RASGEF1B: variants seen among roughly 807,000 people sequenced by gnomAD.
RASGEF1B encodes RasGEF domain family member 1B.
In RASGEF1B, 30 loss-of-function variants were observed where a neutral mutation model predicts 65.7. The ratio of observed to expected loss-of-function variants is 0.46; its 90% CI spans 0.34 to 0.62. The LOEUF (loss-of-function observed/expected upper bound fraction) is 0.62. Ranked by LOEUF, RASGEF1B falls within the 20% of genes least tolerant of loss-of-function variation. RASGEF1B has a pLI of 0.01. For synonymous variants in RASGEF1B, 175 were observed against 194.8 expected, an observed-to-expected ratio of 0.90 and a Z score of 0.85; for missense variants, 495 against 580.1, an observed-to-expected ratio of 0.85 and a Z score of 1.51.
rs749886534 is a variant in RASGEF1B at position 81,448,112 on chromosome 4, T to C, written c.611A>G (p.Asn204Ser). The stretch of plus-strand genomic sequence containing the variant: ...CTGCTGGGCCAACGTGTAAGGGTCG[T>C]TGCAGACAGTAATGATATCCCTTTG... ...SIQRDIITVC[N>S]DPYTLAQQLT... The change falls in exon 5 of 14, where the codon AAC becomes AGC. Residue 204 changes from asparagine to serine, a missense_variant. Physicochemically the swap from Asn to Ser is conservative, Grantham distance 46. Coordinates refer to ENST00000264400, the MANE Select transcript of RASGEF1B (RefSeq NM_152545.3). 119 of 1,614,072 alleles carry C rather than the reference T, an allele frequency of 7.4e-5. No individual in the cohort carries two copies. The highest frequency in any genetic ancestry group is 9.7e-5 in the Non-Finnish European group (115 of 1,180,036).
intron 4 of RASGEF1B, chr4:81,455,270 C>T (rs1722405014): frequency 6.6e-6 from 1 of 152,066 alleles, no homozygotes; most frequent in Non-Finnish European, 1.5e-5. Context: ...GGCTTTGTCT[C>T]TACAAAAAAT....
At chr4:81,447,375 G>GAA in intron 6 of RASGEF1B, 129 bp downstream of exon 6, 4 of 666,466 alleles carry the variant, frequency 6.0e-6, no homozygotes, top group Non-Finnish European at 9.8e-6. Flanking sequence ...GTGGCTGATG[G>GAA]AAAAAAAAAA....
At chr4:81,453,287 G>C (rs1163372735) in intron 4 of RASGEF1B, 1 of 152,180 alleles carries the variant, frequency 6.6e-6, no homozygotes, top group Non-Finnish European at 1.5e-5. Flanking sequence ...ATCCTCGGGA[G>C]ATTGGTTCCA....
At chr4:81,461,800 C>G (rs976307753) in intron 1 of RASGEF1B, among the ~76,000 whole-genome samples, 2 of 152,102 alleles carry the variant, frequency 1.3e-5, no homozygotes, top group African/African-American at 4.8e-5. Context: ...CAATCTAGTC[C>G]AATCTCCTCT....
Position 81,427,578 on chromosome 4 carries a change from T to A in RASGEF1B, c.*190A>T, listed in dbSNP as rs1334808579. 1.9e-6 allele frequency: 1 copy of A among 538,786 alleles called. No homozygotes were observed. The highest frequency in any genetic ancestry group is 3.3e-6 in the Non-Finnish European group (1 of 306,904). 33.4% of individuals were successfully genotyped at this position (538,786 alleles called of 1,614,324 possible). On this transcript the variant is annotated 3_prime_UTR_variant, in exon 14 of 14. Coordinates refer to ENST00000264400, the MANE Select transcript of RASGEF1B (RefSeq NM_152545.3). ...ATTTCAGTCTCACAAAATCTGAGTC[T>A]ATCTGTCAGCTGCAGGAAATAAGTT...
At chr4:81,448,804 CTTTTGTTTTG>C (rs953619305) in intron 4 of RASGEF1B, among the ~76,000 whole-genome samples, 1 of 151,968 alleles carries the variant, frequency 6.6e-6, no homozygotes, top group East Asian at 1.9e-4. Context: ...GAACCACCTT[CTTTTGTTTTG>C]TTTTGTTTTG....
At chr4:81,448,978 C>T (rs569794262) in intron 4 of RASGEF1B, among the ~76,000 whole-genome samples, 6 of 152,192 alleles carry the variant, frequency 3.9e-5, no homozygotes, top group African/African-American at 1.4e-4. Flanking sequence ...CCATGCCTGG[C>T]TAATTTTTGT....
At chr4:81,431,644 T>A (rs1721430243) in intron 13 of RASGEF1B, among the ~76,000 whole-genome samples, 1 of 152,168 alleles carries the variant, frequency 6.6e-6, no homozygotes, top group Non-Finnish European at 1.5e-5. Flanking sequence ...TAAACCCTAG[T>A]ACAAAAAGGT....
At chr4:81,466,765 AAAAAAAAAGAAAGAAAG>A (rs1722828888) in intron 1 of RASGEF1B, among the ~76,000 whole-genome samples, 1 of 133,290 alleles carries the variant, frequency 7.5e-6, no homozygotes, top group Non-Finnish European at 1.6e-5. Flanking sequence ...TGTCAAAAAA[AAAAAAAAAGAAAGAAAG>A]AAAGAAAGAA....
chr4:81,445,367 A>G (rs530832264), intron 8 of RASGEF1B, among the ~76,000 whole-genome samples, 159 bp downstream of exon 8: 3 of 152,316 alleles, frequency 2.0e-5, no homozygotes, highest in African/African-American at 7.2e-5. Flanking sequence ...ACATACTTGC[A>G]CTCATTTGGC....
At chr4:81,469,262 T>G (rs1722944770) in intron 1 of RASGEF1B, among the ~76,000 whole-genome samples, 1 of 152,214 alleles carries the variant, frequency 6.6e-6, no homozygotes, top group South Asian at 2.1e-4. Context: ...TCCCAATCCC[T>G]GCTTCAAGGA....
At chr4:81,434,106 G>A in intron 11 of RASGEF1B, 143 bp from the exon 12 acceptor site, 2 of 707,110 alleles carry the variant, frequency 2.8e-6, no homozygotes, top group South Asian at 3.6e-5. Context: ...CTAGAGTGCA[G>A]TGGTGCAATC....
intron 4 of RASGEF1B, chr4:81,453,846 A>T (rs1234131773): frequency 6.6e-6 from 1 of 152,240 alleles, no homozygotes; most frequent in Non-Finnish European, 1.5e-5. Flanking sequence ...GAGATGAGAA[A>T]GGAGCAAGGA....
At chr4:81,433,705 A>G (rs1721512328) in intron 12 of RASGEF1B, 135 bp downstream of exon 12, 1 of 820,704 alleles carries the variant, frequency 1.2e-6, no homozygotes, top group African/African-American at 1.7e-5. Flanking sequence ...ATTTTCTGTG[A>G]AACAGAAAAC....
chr4:81,447,438 C>T lies in RASGEF1B; in HGVS notation c.729+66G>A, dbSNP rs905940089. 6.9e-6 allele frequency: 8 copies of T among 1,158,970 alleles called. No homozygotes were observed. The African/African-American group carries it at 1.1e-4, about 15-fold the overall frequency. 71.8% of individuals were successfully genotyped at this position (1,158,970 alleles called of 1,614,324 possible). A position where few individuals can be genotyped will look rare whatever the true frequency, so the allele number is the denominator to read the frequency against. ...ATAGTTCTAACTTCCGTCCTTTATA[C>T]CCACTATCATAGACTGATAAATCCC... On this transcript the variant is annotated intron_variant, in intron 6 of 13. Coordinates refer to ENST00000264400, the MANE Select transcript of RASGEF1B (RefSeq NM_152545.3).
chr4:81,441,632 T>C (rs1578619651), intron 9 of RASGEF1B, among the ~76,000 whole-genome samples: 1 of 151,336 alleles, frequency 6.6e-6, no homozygotes, highest in African/African-American at 2.4e-5. Flanking sequence ...GCTCCCACCT[T>C]CCAGGCTCAA....
chr4:81,456,834 G>T (rs768636601), intron 3 of RASGEF1B, 46 bp from the exon 4 acceptor site: 3 of 1,474,740 alleles, frequency 2.0e-6, no homozygotes, highest in South Asian at 1.3e-5. Context: ...TATCACTATG[G>T]ACTACATCAA....
intron 4 of RASGEF1B, chr4:81,456,318 T>C: frequency 6.8e-6 from 4 of 586,974 alleles, no homozygotes; most frequent in Non-Finnish European, 1.2e-5. Context: ...ATGCCATTTA[T>C]CATCTAACTA....
intron 1 of RASGEF1B, among the ~76,000 whole-genome samples, chr4:81,463,845 G>A (rs939561363): frequency 6.6e-6 from 1 of 152,182 alleles, no homozygotes; most frequent in African/African-American, 2.4e-5. Context: ...TTCTGGAATT[G>A]AAAAGTGAGG....
Sources: gnomAD v4.1 joint callset for allele counts (sites outside exome capture counted in the v4.1 genomes callset) on GRCh38, gnomAD v4.1.1 for gene constraint, MANE v1.5 for transcripts, NCBI Gene and HGNC (gene_info 2026-07-23, HGNC 2026-07-21) for gene names.